Variants in PRKAR2B observed in about 807,000 individuals in gnomAD.
PRKAR2B encodes the protein cAMP-dependent protein kinase type II-beta regulatory subunit.
In PRKAR2B, 14 loss-of-function variants were observed where a neutral mutation model predicts 49.9. The observed-to-expected ratio is 0.28, with a 90% confidence interval of 0.19 to 0.44. The LOEUF (loss-of-function observed/expected upper bound fraction) is 0.44, where lower values mean the gene tolerates loss of function less well. Ranked by LOEUF, PRKAR2B falls within the 20% of genes least tolerant of loss-of-function variation. The probability of loss-of-function intolerance (pLI) is 1.00; values close to 1 mark genes in which losing one functional copy is unlikely to be tolerated. For synonymous variants in PRKAR2B, 196 were observed against 197.7 expected (o/e 0.99, Z 0.07); for missense variants, 393 against 537.9 (o/e 0.73, Z 2.67).
intron 1 of PRKAR2B, among the ~76,000 whole-genome samples, chr7:107,052,057 A>G (rs964895931): frequency 3.9e-5 from 6 of 152,222 alleles, no homozygotes; most frequent in Admixed American, 6.5e-5. Flanking sequence ...TTCAAAGGTC[A>G]TGTTGAATTA....
rs868254170 is a variant in PRKAR2B, at chr7:107,057,241, A to G, written c.307+12027A>G. Among the ~76,000 whole-genome samples, 10 of 152,224 alleles carry G rather than the reference A, an allele frequency of 6.6e-5. No homozygotes were observed. The South Asian group carries it at 8.3e-4, about 13-fold the overall frequency. ...GTCTCTTTAAGATTGAAATGGACAT[A>G]TCCACCCGCTTACCAAATACCTTTG... On this transcript the variant is annotated intron_variant, in intron 1 of 10. Coordinates refer to ENST00000265717, the MANE Select transcript of PRKAR2B (RefSeq NM_002736.3).
intron 4 of PRKAR2B, among the ~76,000 whole-genome samples, chr7:107,139,382 T>C (rs1241506301): frequency 6.6e-6 from 1 of 152,214 alleles, no homozygotes; most frequent in Non-Finnish European, 1.5e-5. Flanking sequence ...TTCTAATTTG[T>C]TTAGTTTCTC....
chr7:107,074,247 G>T (rs997307958), intron 2 of PRKAR2B, among the ~76,000 whole-genome samples: 3 of 151,732 alleles, frequency 2.0e-5, no homozygotes, highest in Non-Finnish European at 4.4e-5. Context: ...GGGACTACAG[G>T]TGTACGCCAC....
At chr7:107,112,887 A>T (rs1457096167) in intron 2 of PRKAR2B, among the ~76,000 whole-genome samples, 1 of 152,116 alleles carries the variant, frequency 6.6e-6, no homozygotes, top group Non-Finnish European at 1.5e-5. Flanking sequence ...TCTGATAATC[A>T]GTAGAGAGGC....
chr7:107,090,372 C>T (rs1386376219), intron 2 of PRKAR2B, among the ~76,000 whole-genome samples: 20 of 152,170 alleles, frequency 1.3e-4, no homozygotes, highest in Admixed American at 1.3e-3. Context: ...TCATTCAAGG[C>T]TTCCCCAAAA....
intron 2 of PRKAR2B, among the ~76,000 whole-genome samples, chr7:107,095,414 T>G (rs143158598): frequency 0.045 from 6,918 of 152,208 alleles, 199 homozygotes; most frequent in African/African-American, 0.064. Context: ...TGAGACGATG[T>G]GGTTTTCTAA....
Position 107,044,864 on chromosome 7 carries a change from G to T in PRKAR2B, c.-44G>T. 6.6e-7 allele frequency: 1 copy of T among 1,523,506 alleles called. No homozygotes were observed. Among genetic ancestry groups the T allele is most frequent in the Non-Finnish European group, 8.8e-7 (1 of 1,136,632 alleles). The allele number at this position is 1,523,506 out of a possible 1,614,324, so 94.4% of individuals were successfully genotyped here. A position where few individuals can be genotyped will look rare whatever the true frequency, so the allele number is the denominator to read the frequency against. On this transcript the variant is annotated 5_prime_UTR_variant, in exon 1 of 11. It adds an upstream start codon to the 5' untranslated region. Coordinates refer to ENST00000265717, the MANE Select transcript of PRKAR2B (RefSeq NM_002736.3). ...GCGGGGCCCTAGGCCGTGCCGGGGAGGGGGCGAGGGCGGCGCCCAGGCGCC... is the reference window on the plus strand; with the variant it reads ...GCGGGGCCCTAGGCCGTGCCGGGGATGGGGCGAGGGCGGCGCCCAGGCGCC...
chr7:107,150,698 T>TA (rs58258955), intron 6 of PRKAR2B, among the ~76,000 whole-genome samples: 201 of 140,590 alleles, frequency 1.4e-3, no homozygotes, highest in South Asian at 3.3e-3. Flanking sequence ...ATGCTTTCTT[T>TA]AAAAAAAAAA....
intron 4 of PRKAR2B, among the ~76,000 whole-genome samples, chr7:107,131,543 A>G (rs1168086968): frequency 1.3e-5 from 2 of 152,210 alleles, no homozygotes; most frequent in South Asian, 4.1e-4. Flanking sequence ...GGGAAAAAAC[A>G]TCCAGTTTCT....
At chr7:107,098,559 G>A (rs939521739) in intron 2 of PRKAR2B, among the ~76,000 whole-genome samples, 9 of 152,176 alleles carry the variant, frequency 5.9e-5, no homozygotes, top group South Asian at 2.1e-4. Context: ...TGTTGGTGGC[G>A]AGGAGCTGTG....
intron 4 of PRKAR2B, among the ~76,000 whole-genome samples, chr7:107,138,160 G>T (rs2115630315): frequency 6.6e-6 from 1 of 151,856 alleles, no homozygotes. Context: ...AATTGTAATG[G>T]TGGATACATG....
chr7:107,061,316 A>G (rs1027723219), intron 1 of PRKAR2B, among the ~76,000 whole-genome samples: 1 of 152,128 alleles, frequency 6.6e-6, no homozygotes, highest in Admixed American at 6.6e-5. Context: ...TTTATAAACA[A>G]AGTTGGAGAT....
intron 3 of PRKAR2B, among the ~76,000 whole-genome samples, chr7:107,123,459 G>A (rs1305490598): frequency 2.0e-5 from 3 of 152,220 alleles, no homozygotes; most frequent in Non-Finnish European, 4.4e-5. Context: ...ACAAATGCTT[G>A]GAGATCATAT....
intron 2 of PRKAR2B, among the ~76,000 whole-genome samples, chr7:107,109,969 C>T (rs960473384): frequency 2.0e-5 from 3 of 152,160 alleles, no homozygotes; most frequent in African/African-American, 7.2e-5. Context: ...TGAGCACTCA[C>T]AGTACCTGTT....
At chr7:107,048,251 T>C (rs1319181273) in intron 1 of PRKAR2B, among the ~76,000 whole-genome samples, 2 of 152,142 alleles carry the variant, frequency 1.3e-5, no homozygotes, top group African/African-American at 4.8e-5. Context: ...CTCTGAAAAA[T>C]TAACTTGTCC....
At chr7:107,061,506 AT>A (rs1225833792) in intron 1 of PRKAR2B, among the ~76,000 whole-genome samples, 1 of 152,194 alleles carries the variant, frequency 6.6e-6, no homozygotes, top group Admixed American at 6.5e-5. Flanking sequence ...AAAATTATAC[AT>A]TTTAATTTGC....
intron 4 of PRKAR2B, among the ~76,000 whole-genome samples, chr7:107,138,595 T>A (rs1251481381): frequency 6.6e-6 from 1 of 151,222 alleles, no homozygotes; most frequent in Non-Finnish European, 1.5e-5. Context: ...GTTGCCAGGC[T>A]GGAGTGCAGT....
At chr7:107,151,062 A>G in intron 7 of PRKAR2B, 39 bp downstream of exon 7, 1 of 1,254,532 alleles carries the variant, frequency 8.0e-7, no homozygotes, top group Non-Finnish European at 1.1e-6. Context: ...TTTTGCTTTA[A>G]AAGTTTCTGT....
At chr7:107,087,212 A>G (rs1794637129) in intron 2 of PRKAR2B, among the ~76,000 whole-genome samples, 1 of 150,176 alleles carries the variant, frequency 6.7e-6, no homozygotes, top group African/African-American at 2.5e-5. Context: ...ATTCACATTT[A>G]ATGTTTTTTT....
Sources: allele counts gnomAD v4.1 joint callset (sites outside exome capture counted in the v4.1 genomes callset), GRCh38; gene constraint gnomAD v4.1.1; transcripts MANE v1.5; gene names NCBI Gene and HGNC (gene_info 2026-07-23, HGNC 2026-07-21).